PARD3: variants seen among roughly 807,000 people sequenced by gnomAD.
PARD3 encodes par-3 family cell polarity regulator.
In PARD3, 75 loss-of-function variants were observed where a neutral mutation model predicts 155.4. That is an observed-to-expected ratio of 0.48 (90% CI 0.40 to 0.58). The LOEUF is 0.58. Ranked by LOEUF, PARD3 falls within the 20% of genes least tolerant of loss-of-function variation. PARD3 has a pLI of 0.00. For missense variants in PARD3, 1,642 were observed against 1,721.7 expected, an observed-to-expected ratio of 0.95 and a Z score of 0.82; for synonymous variants, 576 against 610.5, an observed-to-expected ratio of 0.94 and a Z score of 0.83.
intron 2 of PARD3, among the ~76,000 whole-genome samples, chr10:34,547,987 A>G (rs2084237470): frequency 6.6e-6 from 1 of 152,204 alleles, no homozygotes; most frequent in Non-Finnish European, 1.5e-5. Context: ...AAAGGTATGG[A>G]CACCTTCGGG....
At chr10:34,318,437 A>G (rs938246517) in intron 19 of PARD3, among the ~76,000 whole-genome samples, 1 of 152,204 alleles carries the variant, frequency 6.6e-6, no homozygotes, top group Non-Finnish European at 1.5e-5. Flanking sequence ...TGAGTTTCTT[A>G]TAACAAAGAG....
chr10:34,163,314 C>A (rs1425714948), intron 22 of PARD3, among the ~76,000 whole-genome samples: 1 of 152,086 alleles, frequency 6.6e-6, no homozygotes, highest in Admixed American at 6.5e-5. Flanking sequence ...TTAGAGCCAT[C>A]CAAGCTGGAG....
intron 1 of PARD3, among the ~76,000 whole-genome samples, chr10:34,727,905 C>CACA (rs1394456255): frequency 1.4e-5 from 2 of 145,436 alleles, no homozygotes; most frequent in Non-Finnish European, 3.1e-5. Flanking sequence ...CACACACACA[C>CACA]ACCACTTCCA....
chr10:34,321,632 C>T (rs1173019563), intron 19 of PARD3, among the ~76,000 whole-genome samples: 1 of 152,122 alleles, frequency 6.6e-6, no homozygotes, highest in African/African-American at 2.4e-5. Context: ...CTGCTTATTT[C>T]TCTTTAATGT....
chr10:34,131,434 T>G (rs770777652), intron 23 of PARD3, 29 bp downstream of exon 23: 3 of 1,613,422 alleles, frequency 1.9e-6, no homozygotes, highest in Non-Finnish European at 1.7e-6. Flanking sequence ...TGTAGGACCA[T>G]TCACCGTGCT....
At chr10:34,195,726 T>C (rs372161639) in intron 22 of PARD3, among the ~76,000 whole-genome samples, 1 of 152,194 alleles carries the variant, frequency 6.6e-6, no homozygotes, top group African/African-American at 2.4e-5. Flanking sequence ...TTTAGAGTCA[T>C]GTGGATGGGC....
intron 1 of PARD3, among the ~76,000 whole-genome samples, chr10:34,767,982 C>G (rs1838327055): frequency 1.3e-5 from 2 of 152,148 alleles, no homozygotes; most frequent in East Asian, 1.9e-4. Context: ...AGATTCTAAT[C>G]TTTCTATAAG....
At chr10:34,157,675 A>G (rs1451665709) in intron 22 of PARD3, among the ~76,000 whole-genome samples, 1 of 152,214 alleles carries the variant, frequency 6.6e-6, no homozygotes, top group African/African-American at 2.4e-5. Flanking sequence ...CTTGTGACTC[A>G]TATTTAAAAT....
chr10:34,468,100 C>T (rs977428442), intron 4 of PARD3, among the ~76,000 whole-genome samples: 14 of 152,056 alleles, frequency 9.2e-5, no homozygotes, highest in African/African-American at 2.2e-4. Flanking sequence ...AGGCAGGCTC[C>T]GGTGGGAGGA....
chr10:34,718,781 G>C (rs1366160568), intron 1 of PARD3, among the ~76,000 whole-genome samples: 1 of 152,120 alleles, frequency 6.6e-6, no homozygotes. Flanking sequence ...TGACCAACAT[G>C]GTGAAACCCT....
chr10:34,541,103 GA>G (rs2083580630), intron 2 of PARD3, among the ~76,000 whole-genome samples: 1 of 152,106 alleles, frequency 6.6e-6, no homozygotes, highest in Admixed American at 6.5e-5. Context: ...ATGCAATATA[GA>G]AAATTGTGAC....
chr10:34,749,342 G>A (rs1042463572), intron 1 of PARD3, among the ~76,000 whole-genome samples: 10 of 152,060 alleles, frequency 6.6e-5, no homozygotes, highest in Non-Finnish European at 1.2e-4. Context: ...ATACAGAAAG[G>A]GGGCAATGTT....
intron 2 of PARD3, among the ~76,000 whole-genome samples, chr10:34,656,306 A>G (rs778636944): frequency 1.3e-5 from 2 of 152,194 alleles, no homozygotes; most frequent in African/African-American, 2.4e-5. Flanking sequence ...AATTCCAGGA[A>G]GTGTTCTATG....
At chr10:34,798,336 G>A (rs1490069301) in intron 1 of PARD3, among the ~76,000 whole-genome samples, 3 of 151,246 alleles carry the variant, frequency 2.0e-5, no homozygotes, top group Non-Finnish European at 2.9e-5. Flanking sequence ...ACCCTGTCCC[G>A]TGAAGAAGGA....
chr10:34,624,871 C>G (rs1241625207), intron 2 of PARD3, among the ~76,000 whole-genome samples: 1 of 152,230 alleles, frequency 6.6e-6, no homozygotes, highest in Non-Finnish European at 1.5e-5. Flanking sequence ...TCCCATGCAA[C>G]CCAGGTCACA....
intron 2 of PARD3, among the ~76,000 whole-genome samples, chr10:34,551,044 A>C (rs1330934676): frequency 6.6e-6 from 1 of 152,168 alleles, no homozygotes; most frequent in Non-Finnish European, 1.5e-5. Context: ...ACAAAAATAC[A>C]CTAATTCTGT....
Position 34,249,174 on chromosome 10 carries a change from T to A in PARD3, c.3419+20483A>T, listed in dbSNP as rs964250242. Among the ~76,000 whole-genome samples the A allele has an allele frequency of 5.3e-5, 8 of 152,122 alleles. No individual in the cohort carries two copies. The South Asian group carries it at 1.7e-3, about 32-fold the overall frequency. On this transcript the variant is annotated intron_variant, in intron 22 of 24. Transcript: ENST00000374788. Reference sequence around the variant, plus strand: ...TACATATACATCTACATCTACCAAATTTTTTCATTTCTAATTTTTAACAGT... The same window carrying A: ...TACATATACATCTACATCTACCAAAATTTTTCATTTCTAATTTTTAACAGT...
At chr10:34,510,828 A>T (rs2081359324) in intron 3 of PARD3, among the ~76,000 whole-genome samples, 1 of 152,180 alleles carries the variant, frequency 6.6e-6, no homozygotes, top group Non-Finnish European at 1.5e-5. Context: ...ATATTGTATT[A>T]ATCATAAATA....
chr10:34,287,102 G>C (rs748729301), intron 20 of PARD3, among the ~76,000 whole-genome samples: 2 of 152,084 alleles, frequency 1.3e-5, no homozygotes, highest in Non-Finnish European at 2.9e-5. Context: ...GACAGCATAA[G>C]GCGGGATGGA....
Sources: gnomAD v4.1 joint callset for allele counts (sites outside exome capture counted in the v4.1 genomes callset) on GRCh38, gnomAD v4.1.1 for gene constraint, MANE v1.5 for transcripts, NCBI Gene and HGNC (gene_info 2026-07-23, HGNC 2026-07-21) for gene names.